The following RAB27A variants were observed in gnomAD, a reference collection of about 807,000 sequenced individuals.
The protein encoded by RAB27A is RAB27A, member RAS oncogene family.
In RAB27A, 17 loss-of-function variants were observed where a neutral mutation model predicts 20.8. The observed-to-expected ratio is 0.82, with a 90% confidence interval of 0.56 to 1.23. RAB27A has a LOEUF of 1.23. RAB27A is among the 50% of genes most tolerant of loss of function. The pLI is 0.00. For synonymous variants in RAB27A, 85 were observed against 92.8 expected, an observed-to-expected ratio of 0.92 and a Z score of 0.48; for missense variants, 277 against 266.7, an observed-to-expected ratio of 1.04 and a Z score of -0.27.
upstream of RAB27A, among the ~76,000 whole-genome samples, chr15:55,294,757 T>G (rs1190736572): frequency 6.6e-6 from 1 of 152,044 alleles, no homozygotes; most frequent in Non-Finnish European, 1.5e-5. Context: ...GCATCAATCT[T>G]TATGACCCTG....
intron 2 of RAB27A, among the ~76,000 whole-genome samples, chr15:55,243,166 G>C (rs960671585): frequency 6.6e-6 from 1 of 152,074 alleles, no homozygotes; most frequent in Non-Finnish European, 1.5e-5. Context: ...TTGGGAGCTT[G>C]TCTGCTTCTT....
chr15:55,304,116 T>C (rs1243433593), intron 2 of RAB27A, among the ~76,000 whole-genome samples: 1 of 152,244 alleles, frequency 6.6e-6, no homozygotes, highest in Non-Finnish European at 1.5e-5. Context: ...TGTTCTGCAC[T>C]AAGAAAGGTT....
chr15:55,305,491 T>C (rs1243594249), intron 2 of RAB27A, among the ~76,000 whole-genome samples: 4 of 152,144 alleles, frequency 2.6e-5, no homozygotes, highest in African/African-American at 9.7e-5. Context: ...AGGTTAAAGA[T>C]ACAGGGTCCA....
chr15:55,315,238 T>C (rs950752318), intron 1 of RAB27A, among the ~76,000 whole-genome samples: 5 of 152,182 alleles, frequency 3.3e-5, no homozygotes, highest in Non-Finnish European at 7.3e-5. Context: ...ACCCCTTCCT[T>C]ACACCTTATA....
At chr15:55,295,703 A>C (rs970425936) in intron 2 of RAB27A, among the ~76,000 whole-genome samples, 2 of 152,144 alleles carry the variant, frequency 1.3e-5, no homozygotes, top group African/African-American at 4.8e-5. Flanking sequence ...AGAGGGAGAA[A>C]TGAGGTGTTG....
intron 6 of RAB27A, among the ~76,000 whole-genome samples, chr15:55,210,098 G>A (rs1290968272): frequency 8.3e-5 from 12 of 143,988 alleles, no homozygotes; most frequent in Non-Finnish European, 1.8e-4. Flanking sequence ...ATATATGTGT[G>A]TATATATACA....
At chr15:55,222,644 T>C (rs1895626134) in intron 6 of RAB27A, among the ~76,000 whole-genome samples, 1 of 152,088 alleles carries the variant, frequency 6.6e-6, no homozygotes, top group African/African-American at 2.4e-5. Flanking sequence ...CTATAAACCC[T>C]ACCAGCTTTC....
chr15:55,210,837 T>C (rs1566897763), intron 6 of RAB27A, among the ~76,000 whole-genome samples: 2 of 152,178 alleles, frequency 1.3e-5, no homozygotes, highest in Non-Finnish European at 1.5e-5. Context: ...AAAGTTTTTG[T>C]CCAGACGAAT....
intron 1 of RAB27A, among the ~76,000 whole-genome samples, chr15:55,274,245 C>T (rs945423159): frequency 2.0e-5 from 3 of 151,876 alleles, no homozygotes; most frequent in African/African-American, 7.3e-5. Flanking sequence ...TCAGGAGAAG[C>T]AGTTTTAAGA....
At chr15:55,248,295 A>G (rs1301218757) in intron 2 of RAB27A, among the ~76,000 whole-genome samples, 1 of 152,116 alleles carries the variant, frequency 6.6e-6, no homozygotes, top group African/African-American at 2.4e-5. Context: ...TCTGGGTGCC[A>G]TAACCTCTCT....
intron 1 of RAB27A, among the ~76,000 whole-genome samples, chr15:55,283,783 A>G (rs1898079307): frequency 6.6e-6 from 1 of 152,156 alleles, no homozygotes; most frequent in Non-Finnish European, 1.5e-5. Context: ...CTATTTCTGT[A>G]TGTTTCATTT....
chr15:55,226,532 TGTGA>T (rs1013501938), intron 5 of RAB27A, among the ~76,000 whole-genome samples: 3 of 150,126 alleles, frequency 2.0e-5, no homozygotes, highest in South Asian at 4.2e-4. Context: ...TGTGTGTGTG[TGTGA>T]GTGTGTATTT....
intron 3 of RAB27A, among the ~76,000 whole-genome samples, chr15:55,232,899 G>C (rs917815482): frequency 6.6e-6 from 1 of 152,146 alleles, no homozygotes; most frequent in African/African-American, 2.4e-5. Context: ...TAAGATGGGT[G>C]GATCACTTGA....
At chr15:55,318,959 C>G (rs893315585) in exon 1 of RAB27A, 1 of 367,316 alleles carries the variant, frequency 2.7e-6, no homozygotes, top group Non-Finnish European at 5.0e-6. Context: ...TGCTCCACGT[C>G]ACTAAACTCG....
At chr15:55,278,307 T>C (rs1416805989) in intron 1 of RAB27A, among the ~76,000 whole-genome samples, 1 of 152,178 alleles carries the variant, frequency 6.6e-6, no homozygotes, top group African/African-American at 2.4e-5. Flanking sequence ...AATGACTCTT[T>C]TACACTATGG....
chr15:55,307,776 T>C (rs1474030849), intron 2 of RAB27A, among the ~76,000 whole-genome samples: 1 of 150,494 alleles, frequency 6.6e-6, no homozygotes, highest in Non-Finnish European at 1.5e-5. Context: ...TTCTTTGTTC[T>C]CCTGAAGGAG....
intron 6 of RAB27A, among the ~76,000 whole-genome samples, chr15:55,211,813 T>C (rs532918070): frequency 5.1e-4 from 78 of 152,302 alleles, no homozygotes; most frequent in Admixed American, 7.8e-4. Context: ...CTATACTATG[T>C]CTTGTAAAAC....
chr15:55,304,944 A>T (rs1462901373), intron 2 of RAB27A, among the ~76,000 whole-genome samples: 1 of 152,188 alleles, frequency 6.6e-6, no homozygotes, highest in Non-Finnish European at 1.5e-5. Context: ...GGACCCAAAG[A>T]GGGTAGCAGT....
chr15:55,310,807 T>C (rs2055017009), intron 2 of RAB27A, among the ~76,000 whole-genome samples: 1 of 152,218 alleles, frequency 6.6e-6, no homozygotes, highest in East Asian at 1.9e-4. Context: ...GACTGAGTGA[T>C]AAACTTATCC....
Sources: allele counts gnomAD v4.1 joint callset (sites outside exome capture counted in the v4.1 genomes callset), GRCh38; gene constraint gnomAD v4.1.1; transcripts MANE v1.5; gene names NCBI Gene and HGNC (gene_info 2026-07-23, HGNC 2026-07-21).